OR1J2: variants seen among roughly 807,000 people sequenced by gnomAD.
OR1J2 encodes olfactory receptor 1J2.
For missense variants in OR1J2, 304 were observed against 246.1 expected (o/e 1.24, Z -1.57); for synonymous variants, 142 against 99.7 (o/e 1.42, Z -2.52).
At chr9:122,561,776 A>C in the OR1J2 span, among the ~76,000 whole-genome samples, 5 of 152,062 alleles carry the variant, frequency 3.3e-5, no homozygotes, top group Non-Finnish European at 7.4e-5. Context: ...TTCTGTATAA[A>C]ATGTCTGACA....
chr9:122,515,496 C>A (rs1265128086), downstream of OR1J2, among the ~76,000 whole-genome samples: 3 of 150,942 alleles, frequency 2.0e-5, no homozygotes, highest in Non-Finnish European at 4.4e-5. Context: ...ACTCTCATGT[C>A]TTTAACCCCA....
chr9:122,547,620 AGTGTGTGTGTGTGT>A, the OR1J2 span, among the ~76,000 whole-genome samples: 1 of 142,902 alleles, frequency 7.0e-6, no homozygotes, highest in African/African-American at 2.6e-5. Flanking sequence ...GTAGTAGTTC[AGTGTGTGTGTGTGT>A]GTGTGTGTGT....
At chr9:122,527,004 G>A in the OR1J2 span, 49 of 1,614,064 alleles carry the variant, frequency 3.0e-5, no homozygotes, top group African/African-American at 9.3e-5. Context: ...ATACATTTGC[G>A]TGAGGCAACC....
At chr9:122,455,492 A>G in the OR1J2 span, among the ~76,000 whole-genome samples, 1 of 152,050 alleles carries the variant, frequency 6.6e-6, no homozygotes, top group Admixed American at 6.5e-5. Context: ...CCATTTACAT[A>G]TTTTCTTTGG....
chr9:122,543,257 T>C, the OR1J2 span, among the ~76,000 whole-genome samples: 1 of 151,594 alleles, frequency 6.6e-6, no homozygotes, highest in Non-Finnish European at 1.5e-5. Context: ...TGGAGTGCAG[T>C]GGTGCAATGA....
the OR1J2 span, among the ~76,000 whole-genome samples, chr9:122,464,704 G>A: frequency 6.6e-6 from 1 of 152,166 alleles, no homozygotes; most frequent in African/African-American, 2.4e-5. Flanking sequence ...CCACAATTGA[G>A]CCCTTGGCAA....
chr9:122,502,893 C>G, the OR1J2 span, among the ~76,000 whole-genome samples: 5 of 152,164 alleles, frequency 3.3e-5, no homozygotes, highest in Admixed American at 6.5e-5. Flanking sequence ...ACTCCTTCCA[C>G]TTTTCAGTTC....
the OR1J2 span, among the ~76,000 whole-genome samples, chr9:122,491,773 T>G: frequency 6.6e-6 from 1 of 152,008 alleles, no homozygotes; most frequent in Non-Finnish European, 1.5e-5. Context: ...CATTGAAGCT[T>G]TGGTGGAAGA....
At chr9:122,453,770 A>T in the OR1J2 span, among the ~76,000 whole-genome samples, 1 of 152,212 alleles carries the variant, frequency 6.6e-6, no homozygotes, top group Non-Finnish European at 1.5e-5. Flanking sequence ...TGCTGTAGTT[A>T]AAAGGGCAAA....
the OR1J2 span, among the ~76,000 whole-genome samples, chr9:122,543,333 G>T: frequency 2.0e-5 from 3 of 152,112 alleles, no homozygotes; most frequent in Admixed American, 6.5e-5. Flanking sequence ...CTCCCAAGTA[G>T]CTGGGACCAT....
chr9:122,504,888 T>C, the OR1J2 span, among the ~76,000 whole-genome samples: 32 of 152,280 alleles, frequency 2.1e-4, no homozygotes, highest in Middle Eastern at 3.4e-3. Flanking sequence ...TCCTTCCCAG[T>C]GCACCAAGTG....
chr9:122,504,062 G>T, the OR1J2 span, among the ~76,000 whole-genome samples: 1 of 152,166 alleles, frequency 6.6e-6, no homozygotes, highest in African/African-American at 2.4e-5. Context: ...TGATCTGGGG[G>T]CCCAGGCTAC....
the OR1J2 span, among the ~76,000 whole-genome samples, chr9:122,537,944 C>T: frequency 7.9e-5 from 12 of 152,230 alleles, no homozygotes; most frequent in East Asian, 1.7e-3. Flanking sequence ...GCATAAGGTG[C>T]GAATTTCTGG....
chr9:122,504,011 GGT>G, the OR1J2 span, among the ~76,000 whole-genome samples: 2 of 152,190 alleles, frequency 1.3e-5, no homozygotes, highest in Admixed American at 6.5e-5. Context: ...TGAGGCCATA[GGT>G]AAGGGCTGAG....
chr9:122,537,881 A>G, the OR1J2 span, among the ~76,000 whole-genome samples: 4 of 152,194 alleles, frequency 2.6e-5, no homozygotes, highest in African/African-American at 9.6e-5. Context: ...CCATTTTTAC[A>G]GTTGAATGCA....
At chr9:122,553,046 C>T in the OR1J2 span, 1 of 722,130 alleles carries the variant, frequency 1.4e-6, no homozygotes, top group Non-Finnish European at 2.4e-6. Flanking sequence ...TCCTTGCATT[C>T]CCAGTGAGAT....
upstream of OR1J2, among the ~76,000 whole-genome samples, chr9:122,510,647 C>T (rs1828613511): frequency 6.6e-6 from 1 of 152,098 alleles, no homozygotes; most frequent in African/African-American, 2.4e-5. Flanking sequence ...GATGCTCTTC[C>T]TCCCCACAGA....
upstream of OR1J2, among the ~76,000 whole-genome samples, chr9:122,507,412 C>T (rs1828538809): frequency 6.6e-6 from 1 of 152,204 alleles, no homozygotes; most frequent in Non-Finnish European, 1.5e-5. Context: ...TGCTGAAGGA[C>T]TGGCACTTGG....
chr9:122,537,773 G>A, the OR1J2 span, among the ~76,000 whole-genome samples: 871 of 152,118 alleles, frequency 5.7e-3, 6 homozygotes, highest in Middle Eastern at 0.01. Context: ...TCAAAGATGC[G>A]GACACACCAA....
Sources: allele counts gnomAD v4.1 joint callset (sites outside exome capture counted in the v4.1 genomes callset), GRCh38; gene constraint gnomAD v4.1.1; transcripts MANE v1.5; gene names NCBI Gene and HGNC (gene_info 2026-07-23, HGNC 2026-07-21).